Variants in CTSH observed in about 807,000 individuals in gnomAD.
The protein encoded by CTSH is pro-cathepsin H.
Under a neutral mutation model 56.3 loss-of-function variants are expected in CTSH, and 52 were observed. The ratio of observed to expected loss-of-function variants is 0.92; its 90% CI spans 0.74 to 1.16. CTSH has a LOEUF of 1.16. Among genes scored for constraint, CTSH ranks in the 50% most tolerant of loss-of-function variants. CTSH has a pLI of 0.00. For synonymous variants in CTSH, 174 were observed against 155.7 expected, an observed-to-expected ratio of 1.12 and a Z score of -0.88; for missense variants, 406 against 424.5, an observed-to-expected ratio of 0.96 and a Z score of 0.38.
Position 78,928,650 on chromosome 15 carries a change from G to A in CTSH, c.630+762C>T, listed in dbSNP as rs79480543. 5.3e-5 allele frequency among the ~76,000 whole-genome samples: 8 copies of A among 151,558 alleles called. No individual in the cohort carries two copies. The South Asian group carries it at 8.3e-4, about 16-fold the overall frequency. ...GAGTCTGGGCTTTCTCCCGAAGGCC[G>A]CATGGAGCCTCGGCGGCATTCTGAT... On this transcript the variant is annotated intron_variant, in intron 8 of 11. Coordinates refer to ENST00000220166, the MANE Select transcript of CTSH (RefSeq NM_004390.5).
At position 78,925,336 on chromosome 15, in the gene CTSH, G is replaced by C. The variant is rs2054879751; in HGVS notation, c.804C>G (p.Ser268=). The change falls in exon 10 of 12, where the codon TCC becomes TCG. Residue 268 remains serine, a splice_region_variant and synonymous_variant. Coordinates refer to ENST00000220166, the MANE Select transcript of CTSH (RefSeq NM_004390.5). ...DFMMYRTGIY[S]STSCHKTPDK... ...TGGCTCCTGGGACCCTGACTCACCT[G>C]GAGTAGATGCCGGTTCTATACATCA... 3.1e-6 allele frequency: 5 copies of C among 1,603,038 alleles called. No individual in the cohort carries two copies. The highest frequency in any genetic ancestry group is 4.3e-6 in the Non-Finnish European group (5 of 1,170,118).
At position 78,940,217 on chromosome 15, in the gene CTSH, T is replaced by A. The variant is rs149365898; in HGVS notation, c.92-1046A>T. ...TGGATTCCTGCCGTATTTCCCCATGTATGTTCTTATCTAAACATTTCATTT... is the reference window on the plus strand; with the variant it reads ...TGGATTCCTGCCGTATTTCCCCATGAATGTTCTTATCTAAACATTTCATTT... On this transcript the variant is annotated intron_variant, in intron 1 of 11. Coordinates refer to ENST00000220166, the MANE Select transcript of CTSH (RefSeq NM_004390.5). Among the ~76,000 whole-genome samples the A allele has an allele frequency of 1.2e-3, 185 of 152,386 alleles. No individual in the cohort carries two copies. The Middle Eastern group carries it at 0.014, about 11-fold the overall frequency.
intron 3 of CTSH, 63 bp from the exon 4 acceptor site, chr15:78,935,813 GA>G: frequency 3.2e-6 from 4 of 1,261,112 alleles, no homozygotes; most frequent in Non-Finnish European, 4.6e-6. Flanking sequence ...GAAGAAACAA[GA>G]AAAAGTGATG....
intron 7 of CTSH, among the ~76,000 whole-genome samples, chr15:78,931,025 C>T (rs185578080): frequency 6.6e-6 from 1 of 152,324 alleles, no homozygotes; most frequent in African/African-American, 2.4e-5. Context: ...AGCCACCTCA[C>T]CCTCACAGGG....
intron 1 of CTSH, chr15:78,944,686 T>C (rs2055358227): frequency 1.0e-6 from 1 of 990,780 alleles, no homozygotes. Flanking sequence ...TCTGCTCCTC[T>C]GGTCCTACAA....
rs1596263693 is a variant in CTSH at position 78,922,009 on chromosome 15, G to C, written c.*121C>G. The C allele has an allele frequency of 2.3e-6, 2 of 872,076 alleles. No individual in the cohort carries two copies. Among genetic ancestry groups the C allele is most frequent in the East Asian group, 2.7e-5 (1 of 37,546 alleles). 54.0% of individuals were successfully genotyped at this position (872,076 alleles called of 1,614,324 possible). A position where few individuals can be genotyped will look rare whatever the true frequency, so the allele number is the denominator to read the frequency against. On this transcript the variant is annotated 3_prime_UTR_variant, in exon 12 of 12. Transcript: ENST00000220166. ...TTTCCAGGCTGGGCACAGAGGTGAG[G>C]GCAGAATGTTGGGGGTCCCAGTGGA... is the stretch of plus-strand genomic sequence containing the variant.
chr15:78,929,481 G>A lies in CTSH; in HGVS notation c.561C>T (p.Ser187=), dbSNP rs752184247. Residue 187 remains serine (S), a synonymous_variant, in exon 8 of 12, where the codon AGC becomes AGT. Transcript: ENST00000220166. ...TGTACAGGATATACTCGAAAGCCTG[G>A]CTGGGGAGACCCCTGCAAGAAGTAC... ...NNHGCQGGLP[S]QAFEYILYNK... The A allele has an allele frequency of 1.9e-6, 3 of 1,610,574 alleles. No individual in the cohort carries two copies. Among genetic ancestry groups the A allele is most frequent in the South Asian group, 1.1e-5 (1 of 90,446 alleles).
Position 78,935,063 on chromosome 15 carries a change from C to G in CTSH, c.320G>C (p.Ser107Thr). 1.9e-6 allele frequency: 3 copies of G among 1,613,698 alleles called. No individual in the cohort carries two copies. The highest frequency in any genetic ancestry group is 1.7e-6 in the Non-Finnish European group (2 of 1,179,610). The change falls in exon 5 of 12, where the codon AGT becomes ACT. Residue 107 changes from serine to threonine, a missense_variant. Physicochemically the swap from Ser to Thr is moderately conservative, Grantham distance 58. Transcript: ENST00000220166. ...SEPQNCSATK[S>T]NYLRGTGPYP... ...GGGACCAGTACCTCGAAGGTAGTTA[C>G]TTTTGGTGGCTGAGCAATTCTGGAA...
At chr15:78,923,929 G>A (rs572043952) in intron 10 of CTSH, among the ~76,000 whole-genome samples, 1 of 152,264 alleles carries the variant, frequency 6.6e-6, no homozygotes, top group East Asian at 1.9e-4. Context: ...CCATAGGCTC[G>A]CGCCAGGGCC....
rs1267224196 is a variant in CTSH at position 78,934,140 on chromosome 15, A to AG, written c.405+837dup. On this transcript the variant is annotated intron_variant, in intron 5 of 11. Coordinates refer to ENST00000220166, the MANE Select transcript of CTSH (RefSeq NM_004390.5). The stretch of plus-strand genomic sequence containing the variant: ...GAGGTTTGCTTTGGCTCCTGATGCT[A>AG]GTTAAACATCCAGCACTTGGCAGGC... 2.0e-5 allele frequency among the ~76,000 whole-genome samples: 3 copies of AG among 152,314 alleles called. No individual in the cohort carries two copies. In the East Asian group the frequency reaches 5.8e-4, roughly 29 times the overall value.
At chr15:78,923,378 C>T (rs568372746) in intron 10 of CTSH, among the ~76,000 whole-genome samples, 3 of 152,342 alleles carry the variant, frequency 2.0e-5, no homozygotes, top group East Asian at 1.9e-4. Context: ...CAACCTTCAC[C>T]TCCAGGGTTC....
chr15:78,925,615 C>T (rs977186608), intron 9 of CTSH, 175 bp from the exon 10 acceptor site: 10 of 550,732 alleles, frequency 1.8e-5, no homozygotes, highest in African/African-American at 1.7e-4. Flanking sequence ...GTCTGGCCAT[C>T]TCTCGTTCCT....
intron 9 of CTSH, 90 bp downstream of exon 9, chr15:78,927,623 G>T (rs2054939699): frequency 8.8e-7 from 1 of 1,131,216 alleles, no homozygotes; most frequent in Non-Finnish European, 1.3e-6. Context: ...CAGAAGGGCT[G>T]CCTTGCTGGG....
At chr15:78,930,641 G>A (rs2055035404) in intron 7 of CTSH, among the ~76,000 whole-genome samples, 1 of 152,230 alleles carries the variant, frequency 6.6e-6, no homozygotes, top group Admixed American at 6.5e-5. Flanking sequence ...TTTCTAAGCT[G>A]TGGAGTGGAA....
chr15:78,942,144 G>A (rs1249157526), intron 1 of CTSH, among the ~76,000 whole-genome samples: 2 of 151,702 alleles, frequency 1.3e-5, no homozygotes, highest in Admixed American at 6.6e-5. Flanking sequence ...TTAATTCTTC[G>A]CACTCCTTTC....
Position 78,937,404 on chromosome 15 carries a change from G to C in CTSH, c.143C>G (p.Thr48Arg). The C allele has an allele frequency of 6.2e-7, 1 of 1,613,996 alleles. No homozygotes were observed. Among genetic ancestry groups the C allele is most frequent in the Non-Finnish European group, 8.5e-7 (1 of 1,179,918 alleles). ...WMSKHRKTYS[T>R]EEYHHRLQTF... ...CTGCAGCCTGTGGTGGTACTCCTCC[G>C]TACTGTAGGTCTTACGGTGCTAAAA... The change falls in exon 3 of 12, where the codon ACG (threonine) becomes AGG (arginine). Residue 48 changes from threonine (T) to arginine (R), a missense_variant. Physicochemically the swap from Thr to Arg is moderately conservative, Grantham distance 71 (BLOSUM62 -1). Transcript: ENST00000220166.
chr15:78,941,387 G>A (rs1174212482), intron 1 of CTSH, among the ~76,000 whole-genome samples: 1 of 120,806 alleles, frequency 8.3e-6, no homozygotes, highest in East Asian at 2.6e-4. Flanking sequence ...TCGTGCCACT[G>A]CACTCCAGCC....
At chr15:78,925,848 C>T (rs1248606897) in intron 9 of CTSH, 4 of 177,988 alleles carry the variant, frequency 2.2e-5, no homozygotes, top group Non-Finnish European at 4.8e-5. Flanking sequence ...GCGGTGGAAA[C>T]GAGAAGACCC....
Position 78,922,184 on chromosome 15 carries a change from T to C in CTSH, c.954A>G (p.Gly318=), listed in dbSNP as rs1198392982. The C allele has an allele frequency of 7.0e-6, 11 of 1,582,598 alleles. No individual in the cohort carries two copies. In the South Asian group the frequency reaches 8.1e-5, roughly 12 times the overall value. The part of the protein sequence containing the change: ...GMNGYFLIER[G]KNMCGLAACA... ...AGGCAGCCAGGCCACACATGTTCTT[T>C]CCGCGCTCGATGAGGAAGTACCTGG... is the stretch of plus-strand genomic sequence containing the variant. Residue 318 remains glycine (G), a synonymous_variant, in exon 12 of 12, where the codon GGA becomes GGG. Transcript: ENST00000220166.
Sources: gnomAD v4.1 joint callset for allele counts (sites outside exome capture counted in the v4.1 genomes callset) on GRCh38, gnomAD v4.1.1 for gene constraint, MANE v1.5 for transcripts, NCBI Gene and HGNC (gene_info 2026-07-23, HGNC 2026-07-21) for gene names.